Variants in ZNF600 observed in about 807,000 individuals in gnomAD.
ZNF600 encodes the protein zinc finger protein 600.
Under a neutral mutation model 7.3 loss-of-function variants are expected in ZNF600, and 4 were observed. The observed-to-expected ratio is 0.55, with a 90% CI of 0.27 to 1.25. The LOEUF (loss-of-function observed/expected upper bound fraction) is 1.25. ZNF600 is among the 50% of genes most tolerant of loss of function. The pLI, the probability that ZNF600 is intolerant of heterozygous loss-of-function variation, is 0.12. For missense variants in ZNF600, 911 were observed against 922.1 expected (o/e 0.99, Z 0.16); for synonymous variants, 290 against 308.9 (o/e 0.94, Z 0.64).
At chr19:52,768,160 AAAAAC>A (rs1384214387) in intron 3 of ZNF600, among the ~76,000 whole-genome samples, 3 of 152,116 alleles carry the variant, frequency 2.0e-5, no homozygotes, top group Non-Finnish European at 4.4e-5. Flanking sequence ...ATGCTAAAAA[AAAAAC>A]AAAGAAACCC....
intron 1 of ZNF600, among the ~76,000 whole-genome samples, 115 bp downstream of exon 3, chr19:52,780,466 A>G (rs1483769505): frequency 1.3e-5 from 2 of 152,112 alleles, no homozygotes; most frequent in Admixed American, 6.5e-5. Flanking sequence ...GAGGAAAGCG[A>G]CCAGTGGGGC....
Position 52,767,677 on chromosome 19 carries a change from A to G in ZNF600, c.286T>C (p.Tyr96His), listed in dbSNP as rs1444868163. The G allele has an allele frequency of 1.3e-5, 21 of 1,613,918 alleles. No individual in the cohort carries two copies. The highest frequency in any genetic ancestry group is 6.7e-5 in the Admixed American group (4 of 59,978). The stretch of plus-strand genomic sequence containing the variant: ...TGGAAGCAAAAATCTCCAATGTGAT[A>G]ACTTTGATATCTTTGCAATGTCCCT... Residue 96 changes from tyrosine to histidine, a missense_variant, in exon 4 of 4, where the codon TAT becomes CAT. Coordinates refer to ENST00000648973, the Ensembl canonical transcript of ZNF600.
At chr19:52,799,150 G>T in the ZNF600 span, 2 of 401,470 alleles carry the variant, frequency 5.0e-6, no homozygotes, top group Non-Finnish European at 4.9e-6. Flanking sequence ...AGGTGTGACT[G>T]TTGATTAAAA....
the ZNF600 span, among the ~76,000 whole-genome samples, chr19:52,803,576 T>C: frequency 6.6e-6 from 1 of 152,224 alleles, no homozygotes; most frequent in Non-Finnish European, 1.5e-5. Flanking sequence ...AAACTTGTAC[T>C]TACCACCAGC....
the ZNF600 span, among the ~76,000 whole-genome samples, chr19:52,820,364 G>A: frequency 7.2e-6 from 1 of 138,236 alleles, no homozygotes; most frequent in African/African-American, 3.0e-5. Flanking sequence ...TGATCCACCC[G>A]CCTCGGCCTC....
intron 2 of ZNF600, among the ~76,000 whole-genome samples, chr19:52,778,089 C>T (rs1394112603): frequency 6.6e-6 from 1 of 152,050 alleles, no homozygotes; most frequent in African/African-American, 2.4e-5. Context: ...TTTCGGCATA[C>T]AGTAACCTCC....
the ZNF600 span, among the ~76,000 whole-genome samples, chr19:52,811,103 G>C: frequency 6.7e-6 from 1 of 149,452 alleles, no homozygotes; most frequent in Non-Finnish European, 1.5e-5. Flanking sequence ...TGTGTTGGCT[G>C]GGCTGGTCTC....
the ZNF600 span, among the ~76,000 whole-genome samples, chr19:52,815,238 G>A: frequency 8.9e-5 from 13 of 145,446 alleles, no homozygotes; most frequent in Non-Finnish European, 1.6e-4. Flanking sequence ...TATTGGGCCC[G>A]GGCACAGTGG....
chr19:52,781,080 G>A (rs751774649), intron 1 of ZNF600, 25 bp from the exon 3 acceptor site: 17 of 152,320 alleles, frequency 1.1e-4, no homozygotes, highest in African/African-American at 3.9e-4. Context: ...GAGTCATGTA[G>A]GTGGGTTAAA....
the ZNF600 span, among the ~76,000 whole-genome samples, chr19:52,794,066 A>G: frequency 6.6e-6 from 1 of 151,980 alleles, no homozygotes; most frequent in Admixed American, 6.6e-5. Flanking sequence ...TTGATGTCCC[A>G]GCAGAGAGCT....
chr19:52,817,683 G>A, the ZNF600 span, among the ~76,000 whole-genome samples: 89,097 of 151,800 alleles, frequency 0.59, 27,362 homozygotes, highest in Non-Finnish European at 0.7. Context: ...CTGACACCAC[G>A]GGACCCTCAC....
At chr19:52,797,435 T>C in the ZNF600 span, 3 of 152,268 alleles carry the variant, frequency 2.0e-5, no homozygotes, top group African/African-American at 7.2e-5. Flanking sequence ...AAATTTTATT[T>C]GTTTGTAGAT....
At chr19:52,796,625 C>G in the ZNF600 span, among the ~76,000 whole-genome samples, 1 of 152,148 alleles carries the variant, frequency 6.6e-6, no homozygotes, top group African/African-American at 2.4e-5. Flanking sequence ...TGCCACCATG[C>G]CCAGCTAATT....
the ZNF600 span, among the ~76,000 whole-genome samples, chr19:52,797,067 A>G: frequency 1.3e-5 from 2 of 152,250 alleles, no homozygotes; most frequent in Non-Finnish European, 2.9e-5. Context: ...TCTGAGATAC[A>G]AGGATGGTTC....
exon 4 of ZNF600, chr19:52,767,675 A>G: frequency 7.4e-6 from 12 of 1,614,106 alleles, no homozygotes; most frequent in South Asian, 3.3e-5. Context: ...CTCCAATGTG[A>G]TAACTTTGAT....
chr19:52,823,516 A>G, the ZNF600 span, among the ~76,000 whole-genome samples: 1 of 152,176 alleles, frequency 6.6e-6, no homozygotes, highest in African/African-American at 2.4e-5. Context: ...GCACCTGGCC[A>G]GTAAAACTCT....
chr19:52,777,214 T>C (rs1467452421), intron 2 of ZNF600, among the ~76,000 whole-genome samples: 1 of 151,242 alleles, frequency 6.6e-6, no homozygotes, highest in Non-Finnish European at 1.5e-5. Context: ...CCATCTCTAC[T>C]AAAAATACAA....
chr19:52,773,127 C>A (rs999569254), intron 3 of ZNF600, among the ~76,000 whole-genome samples: 5 of 152,034 alleles, frequency 3.3e-5, no homozygotes, highest in African/African-American at 1.2e-4. Context: ...TCATGTGAGG[C>A]AAGGCCAGGA....
the ZNF600 span, among the ~76,000 whole-genome samples, chr19:52,821,924 A>T: frequency 1.8e-4 from 17 of 93,584 alleles, 1 homozygote; most frequent in East Asian, 1.3e-3. Flanking sequence ...AAAAAAATAA[A>T]AAAATAATAA....
Sources: allele counts gnomAD v4.1 joint callset (sites outside exome capture counted in the v4.1 genomes callset), GRCh38; gene constraint gnomAD v4.1.1; transcripts MANE v1.5; gene names NCBI Gene and HGNC (gene_info 2026-07-23, HGNC 2026-07-21).